ARSJ: variants seen among roughly 807,000 people sequenced by gnomAD.
The protein encoded by ARSJ is arylsulfatase family member J.
Under a neutral mutation model 35.9 loss-of-function variants are expected in ARSJ, and 26 were observed. The observed-to-expected ratio is 0.72, with a 90% CI of 0.53 to 1.00. The LOEUF is 1.00. Ranked by LOEUF, ARSJ falls within the 50% of genes least tolerant of loss-of-function variation. The pLI is 0.00. For missense variants in ARSJ, 667 were observed against 723.6 expected, an observed-to-expected ratio of 0.92 and a Z score of 0.90; for synonymous variants, 294 against 267.6, an observed-to-expected ratio of 1.10 and a Z score of -0.96.
In ARSJ at chr4:113,943,813, C is replaced by G. The variant is rs1725309020; in HGVS notation, c.398+34624G>C. On this transcript the variant is annotated intron_variant, in intron 1 of 1. Coordinates refer to ENST00000315366, the MANE Select transcript of ARSJ (RefSeq NM_024590.4). ...AAGGATCCTGAGCTGGGAATCAGATCAGTATGTTCATGAACAGAGGGAAAG... is the reference window on the plus strand; with the variant it reads ...AAGGATCCTGAGCTGGGAATCAGATGAGTATGTTCATGAACAGAGGGAAAG... Among the ~76,000 whole-genome samples, 4 of 151,950 alleles carry G rather than the reference C, an allele frequency of 2.6e-5. No homozygotes were observed. In the South Asian group the frequency reaches 8.3e-4, roughly 32 times the overall value.
At chr4:113,941,437 T>C (rs1026710551) in intron 1 of ARSJ, among the ~76,000 whole-genome samples, 4 of 152,014 alleles carry the variant, frequency 2.6e-5, no homozygotes, top group African/African-American at 9.7e-5. Flanking sequence ...AATGCAAAGA[T>C]GAGGAGGCAT....
At chr4:113,956,619 G>A (rs1180487810) in intron 1 of ARSJ, among the ~76,000 whole-genome samples, 2 of 152,096 alleles carry the variant, frequency 1.3e-5, no homozygotes, top group South Asian at 2.1e-4. Context: ...ATAAGCAAAG[G>A]AAGTAAAATT....
chr4:113,906,608 A>G (rs2099668818), intron 1 of ARSJ: 1 of 332,276 alleles, frequency 3.0e-6, no homozygotes, highest in Admixed American at 3.5e-5. Context: ...GAATAGGAGG[A>G]AGTTTCAGGT....
intron 1 of ARSJ, among the ~76,000 whole-genome samples, chr4:113,956,538 C>T (rs1406031142): frequency 1.3e-5 from 2 of 151,868 alleles, no homozygotes; most frequent in Non-Finnish European, 2.9e-5. Flanking sequence ...TTTTGAAGAG[C>T]TCAAAGTGCA....
At chr4:113,906,457 G>C (rs1368359363) in intron 1 of ARSJ, among the ~76,000 whole-genome samples, 1 of 152,162 alleles carries the variant, frequency 6.6e-6, no homozygotes, top group African/African-American at 2.4e-5. Context: ...CAACTATGAG[G>C]TTTCTGTCTT....
At chr4:113,931,366 A>T (rs963182312) in intron 1 of ARSJ, among the ~76,000 whole-genome samples, 1 of 152,032 alleles carries the variant, frequency 6.6e-6, no homozygotes, top group Non-Finnish European at 1.5e-5. Context: ...TGAAAAGAAG[A>T]AGGAGAAGGA....
chr4:113,965,696 C>T (rs1041930303), intron 1 of ARSJ, among the ~76,000 whole-genome samples: 1 of 151,890 alleles, frequency 6.6e-6, no homozygotes, highest in Admixed American at 6.6e-5. Context: ...TGTTAAATTG[C>T]TATTAACAAG....
intron 1 of ARSJ, 111 bp downstream of exon 1, chr4:113,978,326 T>G: frequency 1.0e-6 from 1 of 991,124 alleles, no homozygotes; most frequent in South Asian, 1.6e-5. Context: ...CATTCTTCAT[T>G]CATTCAGTTG....
intron 1 of ARSJ, among the ~76,000 whole-genome samples, chr4:113,940,591 G>A (rs1470480354): frequency 6.6e-6 from 1 of 151,604 alleles, no homozygotes; most frequent in South Asian, 2.1e-4. Flanking sequence ...AACCACCGTG[G>A]CACACGTTAC....
chr4:113,918,552 G>A (rs998172223), intron 1 of ARSJ, among the ~76,000 whole-genome samples: 20 of 152,018 alleles, frequency 1.3e-4, no homozygotes, highest in African/African-American at 4.6e-4. Flanking sequence ...AACAGTTTGA[G>A]AACTGCTAAC....
chr4:113,909,750 A>T (rs1464791323), intron 1 of ARSJ, among the ~76,000 whole-genome samples: 1 of 152,138 alleles, frequency 6.6e-6, no homozygotes, highest in East Asian at 1.9e-4. Context: ...AGCCTCAGGT[A>T]TATCCTTAGA....
At chr4:113,924,076 A>AATATATATATATATAT (rs1164333093) in intron 1 of ARSJ, among the ~76,000 whole-genome samples, 13 of 95,692 alleles carry the variant, frequency 1.4e-4, no homozygotes, top group South Asian at 2.9e-4. Flanking sequence ...AATATATATA[A>AATATATATATATATAT]ATATATATAT....
intron 1 of ARSJ, among the ~76,000 whole-genome samples, chr4:113,906,155 C>A (rs77296170): frequency 6.6e-6 from 1 of 151,942 alleles, no homozygotes; most frequent in Non-Finnish European, 1.5e-5. Flanking sequence ...AACATCTATA[C>A]GGGTAAAAAT....
chr4:113,950,969 G>A (rs1725830263), intron 1 of ARSJ, among the ~76,000 whole-genome samples: 1 of 152,056 alleles, frequency 6.6e-6, no homozygotes, highest in Admixed American at 6.6e-5. Context: ...TAAGAATTGG[G>A]AGAAAGGATT....
intron 1 of ARSJ, among the ~76,000 whole-genome samples, chr4:113,936,267 C>T (rs575895884): frequency 4.0e-5 from 6 of 151,842 alleles, no homozygotes; most frequent in Non-Finnish European, 8.8e-5. Flanking sequence ...AGAAAATTTG[C>T]CTTGAAAAAC....
intron 1 of ARSJ, among the ~76,000 whole-genome samples, chr4:113,930,134 A>G (rs997683829): frequency 6.6e-6 from 1 of 152,108 alleles, no homozygotes; most frequent in African/African-American, 2.4e-5. Context: ...AATCTGTATT[A>G]GTCAAGGTTC....
intron 1 of ARSJ, among the ~76,000 whole-genome samples, chr4:113,963,631 TCA>T (rs1562373765): frequency 6.6e-6 from 1 of 151,916 alleles, no homozygotes; most frequent in Non-Finnish European, 1.5e-5. Context: ...CAAACCATAA[TCA>T]CCCAGTGTCT....
intron 1 of ARSJ, among the ~76,000 whole-genome samples, chr4:113,919,386 T>A (rs1474969794): frequency 6.6e-6 from 1 of 152,216 alleles, no homozygotes; most frequent in East Asian, 1.9e-4. Flanking sequence ...TGTATTCACA[T>A]CTGCTTCTGT....
At chr4:113,952,862 G>A (rs889084527) in intron 1 of ARSJ, among the ~76,000 whole-genome samples, 1 of 152,022 alleles carries the variant, frequency 6.6e-6, no homozygotes, top group South Asian at 2.1e-4. Flanking sequence ...TCAATGACAA[G>A]GTTTTTAGGA....
Sources: allele counts gnomAD v4.1 joint callset (sites outside exome capture counted in the v4.1 genomes callset), GRCh38; gene constraint gnomAD v4.1.1; transcripts MANE v1.5; gene names NCBI Gene and HGNC (gene_info 2026-07-23, HGNC 2026-07-21).